The following KCNRG variants were observed in gnomAD, a reference collection of about 807,000 sequenced individuals.
The protein encoded by KCNRG is potassium channel regulator.
Under a neutral mutation model 17.7 loss-of-function variants are expected in KCNRG, and 17 were observed. The observed-to-expected ratio is 0.96, with a 90% confidence interval of 0.66 to 1.44. KCNRG has a LOEUF of 1.44. KCNRG is among the 40% of genes most tolerant of loss of function. The probability of loss-of-function intolerance (pLI) is 0.00; values close to 1 mark genes in which losing one functional copy is unlikely to be tolerated. For missense variants in KCNRG, 311 were observed against 321.1 expected, an observed-to-expected ratio of 0.97 and a Z score of 0.24; for synonymous variants, 97 against 116.5, an observed-to-expected ratio of 0.83 and a Z score of 1.08.
At chr13:50,019,110 A>T (rs1030470267) in intron 1 of KCNRG, among the ~76,000 whole-genome samples, 1 of 151,706 alleles carries the variant, frequency 6.6e-6, no homozygotes, top group African/African-American at 2.4e-5. Flanking sequence ...ACAGATAGCT[A>T]ATCTGAAAAG....
In KCNRG at chr13:50,015,508, A is replaced by AC. The variant is rs1249006836; in HGVS notation, c.16dup (p.Leu6ProfsTer51). Reference sequence around the variant, plus strand: ...GTGAGGGAAGAATGAGTAGTCAGGAACTGGTCACTTTGAATGTGGGAGGGA... The same window carrying AC: ...GTGAGGGAAGAATGAGTAGTCAGGAACCTGGTCACTTTGAATGTGGGAGGGA... On this transcript the variant is annotated frameshift_variant, in exon 1 of 2. Transcript: ENST00000312942. LOFTEE classifies it high-confidence loss of function. 1 of 1,612,032 alleles carries AC rather than the reference A, an allele frequency of 6.2e-7. No homozygotes were observed. Among genetic ancestry groups the AC allele is most frequent in the Admixed American group, 1.7e-5 (1 of 59,842 alleles).
intron 1 of KCNRG, chr13:50,017,799 C>G (rs1285210441): frequency 1.2e-5 from 2 of 166,980 alleles, no homozygotes; most frequent in African/African-American, 4.8e-5. Context: ...TTTTTGCTCA[C>G]TCCCTGGTCT....
intron 1 of KCNRG, among the ~76,000 whole-genome samples, chr13:50,019,848 G>C (rs1011071850): frequency 6.6e-6 from 1 of 151,998 alleles, no homozygotes; most frequent in Non-Finnish European, 1.5e-5. Flanking sequence ...GACCAGCCTG[G>C]CCAACATGGT....
chr13:50,020,245 T>C lies in KCNRG; in HGVS notation c.610T>C (p.Leu204=). ...TTCTATAAAACCTGATAACCGAAAA[T>C]TGGCCAACGGAACAAATGTCCTCGG... ...YVSIKPDNRK[L]ANGTNVLGLL... is the part of the protein sequence containing the mutation. The change falls in exon 2 of 2, where the codon TTG becomes CTG. Residue 204 remains leucine (L), a synonymous_variant. Coordinates refer to ENST00000312942, the MANE Select transcript of KCNRG (RefSeq NM_173605.2). 1.2e-6 allele frequency: 2 copies of C among 1,614,058 alleles called. No individual in the cohort carries two copies. Among genetic ancestry groups the C allele is most frequent in the Non-Finnish European group, 1.7e-6 (2 of 1,179,956 alleles).
At chr13:50,020,056 A>T (rs1245019004) in intron 1 of KCNRG, among the ~76,000 whole-genome samples, 158 bp from the exon 2 acceptor site, 1 of 147,936 alleles carries the variant, frequency 6.8e-6, no homozygotes, top group Non-Finnish European at 1.5e-5. Context: ...AAAAAAAAAA[A>T]TCACTCATTT....
At chr13:50,020,107 CTT>C in intron 1 of KCNRG, 105 bp from the exon 2 acceptor site, 1 of 984,056 alleles carries the variant, frequency 1.0e-6, no homozygotes, top group Non-Finnish European at 1.5e-6. Flanking sequence ...AAAAATCTGT[CTT>C]GAGAAGGTAT....
intron 1 of KCNRG, among the ~76,000 whole-genome samples, chr13:50,019,894 C>T (rs559395471): frequency 6.6e-6 from 1 of 151,846 alleles, no homozygotes; most frequent in Non-Finnish European, 1.5e-5. Context: ...AAAAATTAGC[C>T]GGGCATGGTG....
chr13:50,015,699 A>C lies in KCNRG; in HGVS notation c.206A>C (p.Gln69Pro). The C allele has an allele frequency of 6.2e-7, 1 of 1,614,110 alleles. No homozygotes were observed. Among genetic ancestry groups the C allele is most frequent in the Non-Finnish European group, 8.5e-7 (1 of 1,179,972 alleles). Residue 69 changes from glutamine (Q) to proline (P), a missense_variant, in exon 1 of 2, where the codon CAG (glutamine) becomes CCG (proline). Coordinates refer to ENST00000312942, the MANE Select transcript of KCNRG (RefSeq NM_173605.2). ...SFILDFLRTH[Q>P]LLLPTEFSDY... ...ATCTTAGATTTTTTGAGAACTCACC[A>C]GCTTTTATTACCCACTGAATTTTCA... is the stretch of plus-strand genomic sequence containing the variant.
intron 1 of KCNRG, chr13:50,017,504 TA>T (rs1876756927): frequency 6.0e-6 from 1 of 167,104 alleles, no homozygotes. Flanking sequence ...TTTTCCATTT[TA>T]AAGTGAGAAA....
chr13:50,020,421 C>G lies in KCNRG; in HGVS notation c.786C>G (p.Ile262Met). ...ITNETPKPET[I>M]IIPEQSQIKK is the part of the protein sequence containing the mutation. ...ATGAAACACCAAAACCAGAGACTAT[C>G]ATCATACCAGAGCAATCTCAGATAA... is the stretch of plus-strand genomic sequence containing the variant. Residue 262 changes from isoleucine to methionine, a missense_variant, in exon 2 of 2, where the codon ATC becomes ATG. By Grantham distance (10) the Ile-to-Met change is conservative (BLOSUM62 1). Coordinates refer to ENST00000312942, the MANE Select transcript of KCNRG (RefSeq NM_173605.2). 1 of 1,613,958 alleles carries G rather than the reference C, an allele frequency of 6.2e-7. No homozygotes were observed. Among genetic ancestry groups the G allele is most frequent in the Non-Finnish European group, 8.5e-7 (1 of 1,179,850 alleles).
At chr13:50,016,932 A>C (rs751399661) in intron 1 of KCNRG, 1 of 166,504 alleles carries the variant, frequency 6.0e-6, no homozygotes, top group Non-Finnish European at 1.5e-5. Flanking sequence ...AGTAGCCAAC[A>C]GGAAGGATAC....
At position 50,015,571 on chromosome 13, in the gene KCNRG, T is replaced by G. The variant is rs764861264; in HGVS notation, c.78T>G (p.Phe26Leu). ...FTTRFSTIKQ[F>L]PASRLARMLD... ...CAAGGTTTTCTACGATAAAGCAGTT[T>G]CCTGCTTCTCGTTTGGCACGCATGT... Residue 26 changes from phenylalanine (F) to leucine (L), a missense_variant, in exon 1 of 2, where the codon TTT (phenylalanine) becomes TTG (leucine). Coordinates refer to ENST00000312942, the MANE Select transcript of KCNRG (RefSeq NM_173605.2). 2 of 1,614,094 alleles carry G rather than the reference T, an allele frequency of 1.2e-6. No individual in the cohort carries two copies. The highest frequency in any genetic ancestry group is 1.7e-5 in the Admixed American group (1 of 60,024).
At position 50,015,790 on chromosome 13, in the gene KCNRG, C is replaced by G; in HGVS notation, c.297C>G (p.Asn99Lys). 6.2e-7 allele frequency: 1 copy of G among 1,614,102 alleles called. No homozygotes were observed. Among genetic ancestry groups the G allele is most frequent in the Non-Finnish European group, 8.5e-7 (1 of 1,179,984 alleles). ...TTCGTTCTCTAGTTGATCTCTTAAA[C>G]CCATACCTGCTACAGCCAAGACCTG... ...YELRSLVDLLNPYLLQPRPAL... is the reference protein window; with the variant it reads ...YELRSLVDLLKPYLLQPRPAL... The change falls in exon 1 of 2, where the codon AAC becomes AAG. Residue 99 changes from asparagine (N) to lysine (K), a missense_variant. Physicochemically the swap from Asn to Lys is moderately conservative, Grantham distance 94. Coordinates refer to ENST00000312942, the MANE Select transcript of KCNRG (RefSeq NM_173605.2).
At position 50,020,642 on chromosome 13, in the gene KCNRG, G is replaced by GTACT; in HGVS notation, c.*190_*193dup. 1.7e-6 allele frequency: 1 copy of GTACT among 579,566 alleles called. No individual in the cohort carries two copies. The highest frequency in any genetic ancestry group is 3.1e-6 in the Non-Finnish European group (1 of 326,908). 35.9% of individuals were successfully genotyped at this position (579,566 alleles called of 1,614,324 possible). A position where few individuals can be genotyped will look rare whatever the true frequency, so the allele number is the denominator to read the frequency against. On this transcript the variant is annotated 3_prime_UTR_variant, in exon 2 of 2. Coordinates refer to ENST00000312942, the MANE Select transcript of KCNRG (RefSeq NM_173605.2). ...CCTGCTGCTCTCTAGACAACTCCAT[G>GTACT]TACTTGGTGCTTTGGTATATGTTCT...
rs775122748 is a variant in KCNRG at position 50,020,765 on chromosome 13, CAA to C, written c.*323_*324del. The C allele has an allele frequency of 6.3e-4, 127 of 200,372 alleles. No homozygotes were observed. Among genetic ancestry groups the C allele is most frequent in the Middle Eastern group, 1.9e-3 (1 of 538 alleles). The allele number at this position is 200,372 out of a possible 1,614,324, so 12.4% of individuals were successfully genotyped here. On this transcript the variant is annotated 3_prime_UTR_variant, in exon 2 of 2. Transcript: ENST00000312942. ...CTTGGGTGACAGAGGAAGACTGTCT[CAA>C]AAAAAAAAAAATTGATCAAACTGAT...
chr13:50,020,382 A>G lies in KCNRG; in HGVS notation c.747A>G (p.Glu249=). 6.2e-7 allele frequency: 1 copy of G among 1,614,084 alleles called. No individual in the cohort carries two copies. The highest frequency in any genetic ancestry group is 8.5e-7 in the Non-Finnish European group (1 of 1,179,904). Residue 249 remains glutamate (E), a synonymous_variant, in exon 2 of 2, where the codon GAA becomes GAG. Transcript: ENST00000312942. ...GCTTTGAAAGGATAAAAAGCCCTGA[A>G]GTGCTCATCACGAATGAAACACCAA... The part of the protein sequence containing the change: ...CYSFERIKSP[E]VLITNETPKP...
At position 50,015,729 on chromosome 13, in the gene KCNRG, ATCTT is replaced by A; in HGVS notation, c.237_240del (p.Tyr79Ter). ...TTATTACCCACTGAATTTTCAGACT[ATCTT>A]AGGCTTCAGAGAGAGGCTCTTTTCT... On this transcript the variant is annotated frameshift_variant, in exon 1 of 2. Transcript: ENST00000312942. LOFTEE classifies it high-confidence loss of function. The A allele has an allele frequency of 6.2e-7, 1 of 1,614,054 alleles. No homozygotes were observed. The highest frequency in any genetic ancestry group is 8.5e-7 in the Non-Finnish European group (1 of 1,179,936).
At chr13:50,020,027 G>A (rs528129938) in intron 1 of KCNRG, among the ~76,000 whole-genome samples, 187 bp from the exon 2 acceptor site, 28 of 141,514 alleles carry the variant, frequency 2.0e-4, no homozygotes, top group Non-Finnish European at 3.4e-4. Context: ...GACAGAGTAA[G>A]ACTCCATCTC....
chr13:50,019,460 A>C (rs989707054), intron 1 of KCNRG, among the ~76,000 whole-genome samples: 2 of 152,238 alleles, frequency 1.3e-5, no homozygotes, highest in Non-Finnish European at 2.9e-5. Context: ...AGTAAGTCGC[A>C]AAGGAAAATC....
Sources: gnomAD v4.1 joint callset for allele counts (sites outside exome capture counted in the v4.1 genomes callset) on GRCh38, gnomAD v4.1.1 for gene constraint, MANE v1.5 for transcripts, NCBI Gene and HGNC (gene_info 2026-07-23, HGNC 2026-07-21) for gene names.